PRDM5: variants seen among roughly 807,000 people sequenced by gnomAD.
The protein encoded by PRDM5 is PR domain zinc finger protein 5.
In PRDM5, 56 loss-of-function variants were observed where a neutral mutation model predicts 81.2. The ratio of observed to expected loss-of-function variants is 0.69; its 90% CI spans 0.56 to 0.86. The LOEUF is 0.86. Among genes scored for constraint, PRDM5 ranks in the 40% least tolerant of loss-of-function variants. The pLI is 0.00. For missense variants in PRDM5, 697 were observed against 770.1 expected, an observed-to-expected ratio of 0.91 and a Z score of 1.12; for synonymous variants, 267 against 256.4, an observed-to-expected ratio of 1.04 and a Z score of -0.39.
At chr4:120,916,518 CAA>C (rs1306426502) in intron 1 of PRDM5, among the ~76,000 whole-genome samples, 4 of 151,976 alleles carry the variant, frequency 2.6e-5, no homozygotes, top group East Asian at 1.9e-4. Context: ...TCTAAAGAAA[CAA>C]GAGTAAAAAC....
At chr4:120,689,671 A>G (rs1235228950), downstream of PRDM5, among the ~76,000 whole-genome samples, 1 of 151,454 alleles carries the variant, frequency 6.6e-6, no homozygotes. Context: ...CAGTGGTGCA[A>G]TCTTGGCTCA....
At chr4:120,802,782 T>A (rs910240864) in intron 8 of PRDM5, among the ~76,000 whole-genome samples, 2 of 151,940 alleles carry the variant, frequency 1.3e-5, no homozygotes, top group African/African-American at 2.4e-5. Context: ...AAGCTGAAAA[T>A]TTTAAAAATC....
At chr4:120,884,637 A>G (rs912813046) in intron 2 of PRDM5, among the ~76,000 whole-genome samples, 4 of 152,214 alleles carry the variant, frequency 2.6e-5, no homozygotes, top group Non-Finnish European at 5.9e-5. Context: ...GAAAGAGTAA[A>G]CATCGAAGAC....
intron 14 of PRDM5, among the ~76,000 whole-genome samples, chr4:120,743,885 A>C (rs1404467996): frequency 2.6e-5 from 4 of 151,266 alleles, no homozygotes; most frequent in African/African-American, 4.9e-5. Flanking sequence ...ACAGAAAGTT[A>C]ACAAGGATAC....
At chr4:120,887,092 C>T (rs956475197) in intron 2 of PRDM5, among the ~76,000 whole-genome samples, 4 of 152,002 alleles carry the variant, frequency 2.6e-5, no homozygotes, top group Non-Finnish European at 4.4e-5. Context: ...ACTACAGGCG[C>T]CCGCCACCAC....
At chr4:120,915,245 T>C (rs897253295) in intron 1 of PRDM5, among the ~76,000 whole-genome samples, 9 of 152,126 alleles carry the variant, frequency 5.9e-5, no homozygotes, top group Non-Finnish European at 1.2e-4. Flanking sequence ...TCATAACTTT[T>C]CTTAAGGAGA....
chr4:120,795,843 G>C (rs527925628), intron 10 of PRDM5, among the ~76,000 whole-genome samples: 1 of 152,266 alleles, frequency 6.6e-6, no homozygotes, highest in Admixed American at 6.5e-5. Context: ...AACCTGGGAG[G>C]CAGAGATTAC....
intron 7 of PRDM5, among the ~76,000 whole-genome samples, chr4:120,814,560 A>C (rs1190649351): frequency 1.3e-5 from 2 of 152,184 alleles, no homozygotes; most frequent in Non-Finnish European, 2.9e-5. Flanking sequence ...ATATTGAAAA[A>C]TTCAGCTTCT....
At chr4:120,723,239 G>T (rs1368356437) in intron 14 of PRDM5, among the ~76,000 whole-genome samples, 1 of 152,182 alleles carries the variant, frequency 6.6e-6, no homozygotes, top group African/African-American at 2.4e-5. Context: ...AAATGGGAAT[G>T]AGTTCTTTTA....
intron 15 of PRDM5, among the ~76,000 whole-genome samples, chr4:120,698,426 T>C (rs1391464580): frequency 6.6e-6 from 1 of 152,188 alleles, no homozygotes; most frequent in Non-Finnish European, 1.5e-5. Context: ...CCTTCCTCCA[T>C]CCTAACTAAG....
intron 14 of PRDM5, among the ~76,000 whole-genome samples, chr4:120,714,829 A>T (rs1737514920): frequency 6.6e-6 from 1 of 152,126 alleles, no homozygotes; most frequent in Admixed American, 6.5e-5. Flanking sequence ...CTATCAATCA[A>T]AGACTGTTTT....
At chr4:120,801,651 T>C (rs1752135121) in intron 8 of PRDM5, among the ~76,000 whole-genome samples, 3 of 152,208 alleles carry the variant, frequency 2.0e-5, no homozygotes, top group Admixed American at 1.3e-4. Flanking sequence ...TTAGAAAGCA[T>C]GTGGGATCTG....
chr4:120,788,168 T>C (rs775046528), intron 10 of PRDM5, among the ~76,000 whole-genome samples: 18 of 152,170 alleles, frequency 1.2e-4, no homozygotes, highest in Non-Finnish European at 2.4e-4. Context: ...AAAACTACTT[T>C]TTTTTAAATA....
chr4:120,848,505 A>C (rs1758904960), intron 3 of PRDM5, among the ~76,000 whole-genome samples: 2 of 152,180 alleles, frequency 1.3e-5, no homozygotes, highest in African/African-American at 4.8e-5. Context: ...TATCTGACAA[A>C]GGAAGATGAA....
downstream of PRDM5, among the ~76,000 whole-genome samples, chr4:120,688,622 T>C (rs1042743120): frequency 1.3e-5 from 2 of 152,184 alleles, no homozygotes; most frequent in Non-Finnish European, 2.9e-5. Flanking sequence ...TACATTTAGA[T>C]CTTCAATCCA....
At chr4:120,711,962 T>A (rs535384673) in intron 14 of PRDM5, among the ~76,000 whole-genome samples, 13 of 152,298 alleles carry the variant, frequency 8.5e-5, no homozygotes, top group African/African-American at 2.4e-4. Context: ...TCCATTTTTT[T>A]AATCAAATAT....
intron 15 of PRDM5, among the ~76,000 whole-genome samples, chr4:120,699,891 A>G (rs1735105872): frequency 6.6e-6 from 1 of 151,878 alleles, no homozygotes; most frequent in Admixed American, 6.6e-5. Flanking sequence ...TCAAACAACC[A>G]ATATCATTTT....
intron 8 of PRDM5, among the ~76,000 whole-genome samples, chr4:120,811,018 A>C (rs1313851325): frequency 2.6e-5 from 4 of 152,176 alleles, no homozygotes; most frequent in Non-Finnish European, 4.4e-5. Context: ...TATTTTCACG[A>C]ATACCATCTC....
intron 1 of PRDM5, among the ~76,000 whole-genome samples, chr4:120,913,763 G>A (rs1049026348): frequency 1.3e-5 from 2 of 152,216 alleles, no homozygotes; most frequent in African/African-American, 4.8e-5. Context: ...GTAGAGGACA[G>A]CAGAGTAACC....
Sources: gnomAD v4.1 joint callset for allele counts (sites outside exome capture counted in the v4.1 genomes callset) on GRCh38, gnomAD v4.1.1 for gene constraint, MANE v1.5 for transcripts, NCBI Gene and HGNC (gene_info 2026-07-23, HGNC 2026-07-21) for gene names.